KCNH5: variants seen among roughly 807,000 people sequenced by gnomAD.
KCNH5 encodes the protein voltage-gated delayed rectifier potassium channel KCNH5.
Under a neutral mutation model 96.1 loss-of-function variants are expected in KCNH5, and 46 were observed. That is an observed-to-expected ratio of 0.48 (90% CI 0.38 to 0.61). The LOEUF (loss-of-function observed/expected upper bound fraction) is 0.61, where lower values mean the gene tolerates loss of function less well. Ranked by LOEUF, KCNH5 falls within the 20% of genes least tolerant of loss-of-function variation. KCNH5 has a pLI of 0.00. For missense variants in KCNH5, 907 were observed against 1,225.8 expected (o/e 0.74, Z 3.88); for synonymous variants, 439 against 449.8 (o/e 0.98, Z 0.30).
chr14:62,749,871 G>T (rs1164338965), intron 10 of KCNH5, among the ~76,000 whole-genome samples: 1 of 152,158 alleles, frequency 6.6e-6, no homozygotes, highest in African/African-American at 2.4e-5. Context: ...AATTCCTAAG[G>T]CTGAAGATAT....
intron 7 of KCNH5, among the ~76,000 whole-genome samples, chr14:62,863,233 T>G (rs1053782527): frequency 8.5e-5 from 13 of 152,170 alleles, no homozygotes; most frequent in Admixed American, 6.6e-5. Context: ...ATGCTATATT[T>G]ACATCAAAGA....
At chr14:62,754,551 G>A (rs1885577034) in intron 10 of KCNH5, among the ~76,000 whole-genome samples, 1 of 151,804 alleles carries the variant, frequency 6.6e-6, no homozygotes, top group Non-Finnish European at 1.5e-5. Flanking sequence ...ATAAGGGATA[G>A]AAAATGGTAT....
intron 8 of KCNH5, among the ~76,000 whole-genome samples, chr14:62,815,610 T>C (rs1886962524): frequency 6.6e-6 from 1 of 152,060 alleles, no homozygotes; most frequent in Non-Finnish European, 1.5e-5. Context: ...ATACCTTAAA[T>C]ATATGCAATT....
chr14:62,820,582 C>T (rs1389009594), intron 8 of KCNH5, among the ~76,000 whole-genome samples: 1 of 152,056 alleles, frequency 6.6e-6, no homozygotes, highest in African/African-American at 2.4e-5. Context: ...TAAGTGAGAA[C>T]ATGCAGTATT....
At chr14:62,832,640 C>T (rs1887378893) in intron 8 of KCNH5, among the ~76,000 whole-genome samples, 1 of 152,128 alleles carries the variant, frequency 6.6e-6, no homozygotes, top group Admixed American at 6.6e-5. Context: ...ATTGTTAGAT[C>T]ATATAGTGGT....
chr14:62,925,990 C>T (rs147470318), intron 7 of KCNH5, among the ~76,000 whole-genome samples: 83 of 152,146 alleles, frequency 5.5e-4, no homozygotes, highest in Middle Eastern at 3.4e-3. Flanking sequence ...TATAGACTTG[C>T]ACAAGCTTTA....
chr14:63,017,602 G>A (rs1455194792), intron 1 of KCNH5, among the ~76,000 whole-genome samples: 1 of 151,682 alleles, frequency 6.6e-6, no homozygotes, highest in Non-Finnish European at 1.5e-5. Flanking sequence ...GTTTGCTTTT[G>A]TATAAATTAA....
chr14:62,960,413 A>G (rs1890184212), intron 6 of KCNH5, among the ~76,000 whole-genome samples: 1 of 152,150 alleles, frequency 6.6e-6, no homozygotes, highest in Non-Finnish European at 1.5e-5. Flanking sequence ...TTAAAGAATG[A>G]AAACATTAAT....
chr14:62,886,366 T>C (rs1888598669), intron 7 of KCNH5, among the ~76,000 whole-genome samples: 1 of 152,170 alleles, frequency 6.6e-6, no homozygotes, highest in African/African-American at 2.4e-5. Flanking sequence ...GGTCTGCACA[T>C]AAAACTAGCA....
Position 62,849,651 on chromosome 14 carries a change from AC to A in KCNH5, c.1569+1del, listed in dbSNP as rs755268401. 6.8e-6 allele frequency: 11 copies of A among 1,611,488 alleles called. No homozygotes were observed. ...CTAAATAATAACAATAATAACCCATACCTTTTCTGTATCAATGCCTTTTGAC... is the reference window on the plus strand; with the variant it reads ...CTAAATAATAACAATAATAACCCATACTTTTCTGTATCAATGCCTTTTGAC... On this transcript the variant is annotated splice_donor_variant, in intron 8 of 10. Transcript: ENST00000322893. LOFTEE classifies it high-confidence loss of function.
Position 62,853,456 on chromosome 14 carries a change from C to CATAT in KCNH5, c.1370-3608_1370-3605dup, listed in dbSNP as rs61444088. Among the ~76,000 whole-genome samples the CATAT allele has an allele frequency of 1.1e-3, 101 of 93,186 alleles. 2 individuals carry two copies. The highest frequency in any genetic ancestry group is 2.8e-3 in the African/African-American group (57 of 20,132). 61.1% of individuals were successfully genotyped at this position (93,186 alleles called of 152,430 possible). On this transcript the variant is annotated intron_variant, in intron 7 of 10. Transcript: ENST00000322893. ...TCATTTCCCAAACAAAAAGAATAAT[C>CATAT]ATATATATATATATATATATATATC...
At chr14:62,781,123 G>A (rs1297998822) in intron 9 of KCNH5, among the ~76,000 whole-genome samples, 1 of 152,122 alleles carries the variant, frequency 6.6e-6, no homozygotes, top group Non-Finnish European at 1.5e-5. Context: ...GAGTACAAAA[G>A]AAATTTTAAA....
intron 7 of KCNH5, among the ~76,000 whole-genome samples, chr14:62,929,979 G>A (rs950887195): frequency 1.3e-5 from 2 of 151,982 alleles, no homozygotes; most frequent in African/African-American, 4.8e-5. Context: ...CTTTTTTGTG[G>A]CTGCATAGTA....
intron 2 of KCNH5, among the ~76,000 whole-genome samples, chr14:63,014,333 C>G (rs1273855925): frequency 3.9e-5 from 6 of 152,062 alleles, no homozygotes; most frequent in Admixed American, 3.9e-4. Context: ...CAATCCAATT[C>G]AATAAATACT....
intron 7 of KCNH5, among the ~76,000 whole-genome samples, chr14:62,859,650 A>C (rs1448335793): frequency 6.6e-6 from 1 of 152,224 alleles, no homozygotes; most frequent in Non-Finnish European, 1.5e-5. Flanking sequence ...ATCAGTACAT[A>C]ATCGCGCATC....
chr14:63,003,446 T>C (rs1159816051), intron 3 of KCNH5, among the ~76,000 whole-genome samples: 1 of 135,876 alleles, frequency 7.4e-6, no homozygotes, highest in African/African-American at 2.8e-5. Context: ...GCCATATATA[T>C]ATATTATATA....
intron 7 of KCNH5, among the ~76,000 whole-genome samples, chr14:62,891,344 G>A (rs1888706841): frequency 6.6e-6 from 1 of 152,120 alleles, no homozygotes. Flanking sequence ...TTCTAAGTAG[G>A]AGCTAAATGA....
intron 7 of KCNH5, among the ~76,000 whole-genome samples, chr14:62,924,786 A>C (rs2355753): frequency 1.3e-5 from 2 of 151,962 alleles, no homozygotes; most frequent in African/African-American, 4.8e-5. Context: ...TCAGAGTAGA[A>C]AGGTAGTTAC....
At chr14:62,808,526 T>C (rs912340607) in intron 8 of KCNH5, among the ~76,000 whole-genome samples, 10 of 152,120 alleles carry the variant, frequency 6.6e-5, no homozygotes, top group Admixed American at 1.3e-4. Context: ...TATAAAGTTT[T>C]ATGAAAAATT....
Sources: allele counts gnomAD v4.1 joint callset (sites outside exome capture counted in the v4.1 genomes callset), GRCh38; gene constraint gnomAD v4.1.1; transcripts MANE v1.5; gene names NCBI Gene and HGNC (gene_info 2026-07-23, HGNC 2026-07-21).